The following SIGLEC5 variants were observed in gnomAD, a reference collection of about 807,000 sequenced individuals.
SIGLEC5 encodes sialic acid-binding Ig-like lectin 5.
A neutral mutation model predicts 45.9 loss-of-function variants in SIGLEC5; 34 were observed. The observed-to-expected ratio is 0.74, with a 90% CI of 0.56 to 0.99. The LOEUF (loss-of-function observed/expected upper bound fraction) is 0.99, where lower values mean the gene tolerates loss of function less well. Among genes scored for constraint, SIGLEC5 ranks in the 50% least tolerant of loss-of-function variants. The pLI, the probability that SIGLEC5 is intolerant of heterozygous loss-of-function variation, is 0.00. For missense variants in SIGLEC5, 508 were observed against 629.6 expected (o/e 0.81, Z 2.07); for synonymous variants, 203 against 258.6 (o/e 0.79, Z 2.06).
intron 8 of SIGLEC5, among the ~76,000 whole-genome samples, chr19:51,624,234 A>G (rs1030313581): frequency 1.3e-5 from 2 of 152,202 alleles, no homozygotes; most frequent in African/African-American, 2.4e-5. Flanking sequence ...TCATAATACA[A>G]TGTTGAGTCT....
At chr19:51,625,046 G>T (rs758746449) in intron 8 of SIGLEC5, among the ~76,000 whole-genome samples, 5 of 152,188 alleles carry the variant, frequency 3.3e-5, no homozygotes, top group Non-Finnish European at 7.3e-5. Flanking sequence ...GTGTGATGGG[G>T]ACGGGGATGC....
chr19:51,616,121 C>G (rs1983045661), intron 8 of SIGLEC5, among the ~76,000 whole-genome samples: 1 of 152,182 alleles, frequency 6.6e-6, no homozygotes, highest in South Asian at 2.1e-4. Flanking sequence ...AGGCCAGCAT[C>G]TGCCCTTCCC....
chr19:51,629,233 G>C (rs1983631700), intron 3 of SIGLEC5, 125 bp downstream of exon 3: 1 of 1,550,266 alleles, frequency 6.5e-7, no homozygotes, highest in African/African-American at 1.4e-5. Flanking sequence ...CACACACAAG[G>C]TTTCTCAAGT....
intron 7 of SIGLEC5, among the ~76,000 whole-genome samples, chr19:51,626,789 T>C (rs886812440): frequency 6.6e-6 from 1 of 152,216 alleles, no homozygotes; most frequent in African/African-American, 2.4e-5. Context: ...TTAAAGCCAT[T>C]GACTCGTACA....
intron 4 of SIGLEC5, 139 bp from the exon 5 acceptor site, chr19:51,628,230 A>C: frequency 1.0e-6 from 1 of 992,610 alleles, no homozygotes; most frequent in Non-Finnish European, 1.4e-6. Flanking sequence ...TCCTGGTTCA[A>C]AGGCTGGGCC....
intron 4 of SIGLEC5, among the ~76,000 whole-genome samples, chr19:51,628,827 G>A (rs769123977): frequency 6.7e-5 from 10 of 148,970 alleles, no homozygotes; most frequent in Non-Finnish European, 1.5e-4. Flanking sequence ...GTGTGTGTGC[G>A]TGTGTGTGTG....
In SIGLEC5 at chr19:51,611,441, G is replaced by C. The variant is rs989359732; in HGVS notation, c.*790C>G. Among the ~76,000 whole-genome samples, 2 of 152,206 alleles carry C rather than the reference G, an allele frequency of 1.3e-5. No individual in the cohort carries two copies. The highest frequency in any genetic ancestry group is 2.9e-5 in the Non-Finnish European group (2 of 68,032). On this transcript the variant is annotated 3_prime_UTR_variant, in exon 9 of 9. Coordinates refer to ENST00000683636, the MANE Select transcript of SIGLEC5 (RefSeq NM_003830.4). Reference sequence around the variant, plus strand: ...AGTGTGGTATGAACCAGCATGAAAGGCTTAAGGAAGGGTTAGGCAAGAGGA... The same window carrying C: ...AGTGTGGTATGAACCAGCATGAAAGCCTTAAGGAAGGGTTAGGCAAGAGGA...
chr19:51,613,515 C>T (rs189843016), intron 8 of SIGLEC5, among the ~76,000 whole-genome samples: 10 of 152,116 alleles, frequency 6.6e-5, no homozygotes, highest in South Asian at 4.2e-4. Flanking sequence ...GCCCAGGAAC[C>T]GGCACAGGGC....
chr19:51,617,448 A>C (rs1983110345), intron 8 of SIGLEC5, among the ~76,000 whole-genome samples: 1 of 152,124 alleles, frequency 6.6e-6, no homozygotes, highest in African/African-American at 2.4e-5. Flanking sequence ...AAATTATAAA[A>C]GTTTCCAGGG....
intron 8 of SIGLEC5, among the ~76,000 whole-genome samples, chr19:51,618,029 C>T (rs1320590364): frequency 3.3e-5 from 5 of 149,702 alleles, no homozygotes; most frequent in Admixed American, 6.7e-5. Flanking sequence ...AAGTCCTGGG[C>T]TCAAGCGATG....
intron 8 of SIGLEC5, among the ~76,000 whole-genome samples, chr19:51,614,596 A>G (rs1394856216): frequency 6.6e-6 from 1 of 152,252 alleles, no homozygotes; most frequent in East Asian, 1.9e-4. Flanking sequence ...AAAGGAAGAA[A>G]TAAAGACATA....
At chr19:51,617,841 CATA>C (rs990267461) in intron 8 of SIGLEC5, among the ~76,000 whole-genome samples, 88 of 151,926 alleles carry the variant, frequency 5.8e-4, no homozygotes, top group African/African-American at 1.9e-3. Context: ...TAAGTATGTT[CATA>C]ATAACACAGA....
At chr19:51,621,752 G>A (rs1983291915) in intron 8 of SIGLEC5, 1 of 151,942 alleles carries the variant, frequency 6.6e-6, no homozygotes, top group Non-Finnish European at 1.5e-5. Flanking sequence ...AAGGACACAT[G>A]CAAGACCAAC....
intron 8 of SIGLEC5, among the ~76,000 whole-genome samples, chr19:51,619,987 A>T (rs1180673057): frequency 1.3e-5 from 2 of 151,974 alleles, no homozygotes; most frequent in African/African-American, 2.4e-5. Flanking sequence ...AATATTTCTA[A>T]AAGGGGAAGT....
chr19:51,629,796 C>A, intron 2 of SIGLEC5, 37 bp downstream of exon 2: 1 of 1,313,130 alleles, frequency 7.6e-7, no homozygotes, highest in Admixed American at 2.1e-5. Flanking sequence ...CGGGGGTCTC[C>A]ACGTCCCAGG....
chr19:51,615,082 A>G (rs1983005851), intron 8 of SIGLEC5, among the ~76,000 whole-genome samples: 1 of 152,192 alleles, frequency 6.6e-6, no homozygotes. Flanking sequence ...TCGCTTTACC[A>G]TTCTGCCTAT....
At chr19:51,627,279 C>T (rs753608709) in intron 6 of SIGLEC5, 31 bp from the exon 7 acceptor site, 1 of 1,599,348 alleles carries the variant, frequency 6.3e-7, no homozygotes, top group South Asian at 1.1e-5. Flanking sequence ...CAATAACTCA[C>T]TCCCAGGACT....
intron 8 of SIGLEC5, among the ~76,000 whole-genome samples, chr19:51,616,049 T>A (rs1983041711): frequency 6.6e-6 from 1 of 152,214 alleles, no homozygotes; most frequent in Non-Finnish European, 1.5e-5. Context: ...GTGCTGGGAT[T>A]ATAGGCGTGA....
intron 8 of SIGLEC5, among the ~76,000 whole-genome samples, chr19:51,616,955 A>G (rs1033533903): frequency 2.0e-5 from 3 of 149,474 alleles, no homozygotes; most frequent in African/African-American, 7.4e-5. Context: ...AGATAATAAT[A>G]GTTTTCAAAT....
Sources: gnomAD v4.1 joint callset for allele counts (sites outside exome capture counted in the v4.1 genomes callset) on GRCh38, gnomAD v4.1.1 for gene constraint, MANE v1.5 for transcripts, NCBI Gene and HGNC (gene_info 2026-07-23, HGNC 2026-07-21) for gene names.